Variants in TRDN observed in about 807,000 individuals in gnomAD.
TRDN encodes the protein triadin.
In TRDN, 161 loss-of-function variants were observed where a neutral mutation model predicts 149.7. The observed-to-expected ratio is 1.08, with a 90% CI of 0.95 to 1.23. The LOEUF (loss-of-function observed/expected upper bound fraction) is 1.23, where lower values mean the gene tolerates loss of function less well. TRDN is among the 50% of genes most tolerant of loss of function. TRDN has a pLI of 0.00. For synonymous variants in TRDN, 294 were observed against 250.5 expected (o/e 1.17, Z -1.64); for missense variants, 896 against 823.5 (o/e 1.09, Z -1.08).
intron 10 of TRDN, among the ~76,000 whole-genome samples, chr6:123,460,869 CTT>C (rs1211159720): frequency 6.6e-6 from 1 of 152,130 alleles, no homozygotes; most frequent in Non-Finnish European, 1.5e-5. Flanking sequence ...CAATGAAAGA[CTT>C]GAGGTTTCAC....
chr6:123,436,887 G>A (rs894714234), intron 12 of TRDN, among the ~76,000 whole-genome samples: 13 of 152,102 alleles, frequency 8.5e-5, no homozygotes, highest in African/African-American at 3.1e-4. Flanking sequence ...TTTTAATAGG[G>A]GACGATTCCT....
At chr6:123,570,603 G>T (rs913981933) in intron 2 of TRDN, among the ~76,000 whole-genome samples, 1 of 152,062 alleles carries the variant, frequency 6.6e-6, no homozygotes, top group Non-Finnish European at 1.5e-5. Flanking sequence ...ATTAATGCTT[G>T]ATAAAGTACC....
intron 8 of TRDN, chr6:123,503,073 G>A (rs113905775): frequency 1.0e-6 from 1 of 985,288 alleles, no homozygotes; most frequent in African/African-American, 1.7e-5. Context: ...GCAAAGTGGG[G>A]ATGTAAGTTT....
intron 20 of TRDN, among the ~76,000 whole-genome samples, chr6:123,354,321 G>A (rs1780577804): frequency 6.6e-6 from 1 of 151,720 alleles, no homozygotes; most frequent in Non-Finnish European, 1.5e-5. Context: ...TGCTACAAGG[G>A]CTGTTTTAAG....
intron 1 of TRDN, among the ~76,000 whole-genome samples, chr6:123,588,065 G>A (rs912520255): frequency 2.0e-5 from 3 of 152,092 alleles, no homozygotes; most frequent in African/African-American, 7.2e-5. Context: ...GCTTCAGAGA[G>A]AATAGATGGC....
chr6:123,583,118 C>T (rs9375269), intron 1 of TRDN, among the ~76,000 whole-genome samples: 18,602 of 143,874 alleles, frequency 0.13, 1,222 homozygotes, highest in African/African-American at 0.17. Flanking sequence ...ATAGTCCTGC[C>T]AGCAAAGATT....
At position 123,254,262 on chromosome 6, in the gene TRDN, G is replaced by A. The variant is rs1329528490; in HGVS notation, c.1951+819C>T. Among the ~76,000 whole-genome samples, 5 of 152,054 alleles carry A rather than the reference G, an allele frequency of 3.3e-5. No individual in the cohort carries two copies. The South Asian group carries it at 1.0e-3, about 32-fold the overall frequency. ...AAATGTAATTGCCCTTCAATTGAAA[G>A]TTTTACCTCTTAATATTAGTGATAA... On this transcript the variant is annotated intron_variant, in intron 37 of 40. Coordinates refer to ENST00000334268, the MANE Select transcript of TRDN (RefSeq NM_006073.4).
chr6:123,495,394 C>T lies in TRDN; in HGVS notation c.853+1799G>A, dbSNP rs376080354. On this transcript the variant is annotated intron_variant, in intron 9 of 40. Coordinates refer to ENST00000334268, the MANE Select transcript of TRDN (RefSeq NM_006073.4). ...ATTAGCCGAGTATGTTGGCAGGGGC[C>T]TGTAATCCCAGCTACTCAGGAGGCT... 3.9e-4 allele frequency among the ~76,000 whole-genome samples: 60 copies of T among 151,988 alleles called. 2 individuals carry two copies. The South Asian group carries it at 0.012, about 32-fold the overall frequency.
intron 15 of TRDN, among the ~76,000 whole-genome samples, 156 bp downstream of exon 15, chr6:123,381,956 GCTCTCT>G (rs55997261): frequency 5.6e-4 from 77 of 138,520 alleles, no homozygotes; most frequent in East Asian, 2.2e-3. Context: ...TAGATTTGGC[GCTCTCT>G]CTCTCTCTCT....
intron 7 of TRDN, among the ~76,000 whole-genome samples, chr6:123,508,777 T>C (rs934689859): frequency 6.6e-6 from 1 of 152,162 alleles, no homozygotes; most frequent in African/African-American, 2.4e-5. Flanking sequence ...ACATGCTGTG[T>C]TCTATGCAAG....
intron 10 of TRDN, among the ~76,000 whole-genome samples, chr6:123,444,191 T>A (rs1775136366): frequency 7.0e-6 from 1 of 142,548 alleles, no homozygotes; most frequent in Non-Finnish European, 1.5e-5. Flanking sequence ...CCTCTTTTAT[T>A]TCATTGAGCA....
At chr6:123,246,429 C>A (rs185374912) in intron 38 of TRDN, among the ~76,000 whole-genome samples, 1 of 152,110 alleles carries the variant, frequency 6.6e-6, no homozygotes, top group African/African-American at 2.4e-5. Context: ...GAATTGCAAA[C>A]TACCATCAGA....
At chr6:123,432,549 T>C (rs141009370) in intron 12 of TRDN, among the ~76,000 whole-genome samples, 82 of 152,250 alleles carry the variant, frequency 5.4e-4, no homozygotes, top group African/African-American at 1.9e-3. Flanking sequence ...CTACATTCTG[T>C]TTATGTACAT....
At chr6:123,267,290 T>C (rs1053131966) in intron 32 of TRDN, among the ~76,000 whole-genome samples, 1 of 151,932 alleles carries the variant, frequency 6.6e-6, no homozygotes, top group East Asian at 1.9e-4. Flanking sequence ...TTAAGCTAAC[T>C]TTTAGAATGG....
intron 9 of TRDN, among the ~76,000 whole-genome samples, chr6:123,488,054 T>A (rs761620310): frequency 6.6e-6 from 1 of 152,196 alleles, no homozygotes; most frequent in East Asian, 1.9e-4. Flanking sequence ...TTATATCCTC[T>A]ACTATGCTGA....
At chr6:123,433,143 A>ACT (rs1774401827) in intron 12 of TRDN, among the ~76,000 whole-genome samples, 1 of 96,438 alleles carries the variant, frequency 1.0e-5, no homozygotes, top group African/African-American at 5.0e-5. Context: ...ACACATCATA[A>ACT]ATATATATAT....
At chr6:123,265,801 GA>G (rs1776931513) in intron 32 of TRDN, among the ~76,000 whole-genome samples, 1 of 113,574 alleles carries the variant, frequency 8.8e-6, no homozygotes, top group African/African-American at 3.5e-5. Flanking sequence ...CCCGTATGTT[GA>G]ACAATAAGGT....
At chr6:123,437,310 T>C in intron 12 of TRDN, 1 of 297,110 alleles carries the variant, frequency 3.4e-6, no homozygotes, top group East Asian at 8.1e-5. Context: ...CTCCCTTTTC[T>C]TAGAGCATTT....
intron 4 of TRDN, among the ~76,000 whole-genome samples, chr6:123,542,922 A>C (rs1583216059): frequency 6.7e-6 from 1 of 149,350 alleles, no homozygotes; most frequent in Non-Finnish European, 1.5e-5. Context: ...CCCTGGTTTT[A>C]ACTTTAACTT....
Sources: gnomAD v4.1 joint callset for allele counts (sites outside exome capture counted in the v4.1 genomes callset) on GRCh38, gnomAD v4.1.1 for gene constraint, MANE v1.5 for transcripts, NCBI Gene and HGNC (gene_info 2026-07-23, HGNC 2026-07-21) for gene names.